MTUS2: variants seen among roughly 807,000 people sequenced by gnomAD.
The protein encoded by MTUS2 is microtubule-associated tumor suppressor candidate 2.
MTUS2 carries 40 observed loss-of-function variants against 114.1 expected under a neutral mutation model. The observed-to-expected ratio is 0.35, with a 90% CI of 0.27 to 0.46. MTUS2 has a LOEUF of 0.46. Ranked by LOEUF, MTUS2 falls within the 20% of genes least tolerant of loss-of-function variation. The pLI is 1.00. For synonymous variants in MTUS2, 688 were observed against 672.0 expected (o/e 1.02, Z -0.37); for missense variants, 1,679 against 1,705.4 (o/e 0.98, Z 0.27).
chr13:29,241,820 T>A (rs1896745347), intron 5 of MTUS2, among the ~76,000 whole-genome samples: 1 of 152,150 alleles, frequency 6.6e-6, no homozygotes, highest in Non-Finnish European at 1.5e-5. Context: ...TGAATTGACT[T>A]ACGTTCTGGC....
intron 2 of MTUS2, among the ~76,000 whole-genome samples, chr13:28,975,348 A>C (rs1465360568): frequency 2.6e-5 from 4 of 152,220 alleles, no homozygotes; most frequent in African/African-American, 9.6e-5. Flanking sequence ...GAAACGCGGC[A>C]TGGTCAGTGG....
At chr13:29,251,815 TTTTG>T (rs1184735335) in intron 5 of MTUS2, among the ~76,000 whole-genome samples, 1 of 152,242 alleles carries the variant, frequency 6.6e-6, no homozygotes, top group Non-Finnish European at 1.5e-5. Flanking sequence ...ATATACCACA[TTTTG>T]TTTATTCATT....
chr13:29,233,869 A>G (rs1896432569), intron 5 of MTUS2, among the ~76,000 whole-genome samples: 1 of 152,226 alleles, frequency 6.6e-6, no homozygotes, highest in Non-Finnish European at 1.5e-5. Context: ...TCTGAAAAAG[A>G]CATTTGAAAA....
chr13:28,946,649 A>G (rs1382218945), intron 2 of MTUS2, among the ~76,000 whole-genome samples: 1 of 151,914 alleles, frequency 6.6e-6, no homozygotes, highest in African/African-American at 2.4e-5. Flanking sequence ...ATTTTCTCAA[A>G]CAATTTGAAA....
At chr13:29,220,021 GT>G (rs1171392176) in intron 5 of MTUS2, among the ~76,000 whole-genome samples, 1 of 149,780 alleles carries the variant, frequency 6.7e-6, no homozygotes, top group Admixed American at 6.6e-5. Context: ...TTGAGACAGA[GT>G]TTTGCTCTTG....
chr13:28,826,482 C>T (rs927597236), intron 1 of MTUS2, among the ~76,000 whole-genome samples: 1 of 152,154 alleles, frequency 6.6e-6, no homozygotes, highest in Non-Finnish European at 1.5e-5. Context: ...TCTTTTTACT[C>T]TGTTTACTGT....
At chr13:29,043,397 C>T (rs930811986) in intron 4 of MTUS2, among the ~76,000 whole-genome samples, 2 of 151,852 alleles carry the variant, frequency 1.3e-5, no homozygotes, top group African/African-American at 4.8e-5. Flanking sequence ...GATGAATGTA[C>T]ATTCTGTAGT....
intron 4 of MTUS2, among the ~76,000 whole-genome samples, chr13:29,082,852 A>C (rs947256912): frequency 6.6e-6 from 1 of 152,130 alleles, no homozygotes; most frequent in Non-Finnish European, 1.5e-5. Context: ...ACTTATAGCC[A>C]TTATAAGTGG....
At chr13:28,989,704 C>T (rs544719483) in intron 2 of MTUS2, among the ~76,000 whole-genome samples, 91 of 152,156 alleles carry the variant, frequency 6.0e-4, no homozygotes, top group South Asian at 1.9e-3. Flanking sequence ...GCTGGGGAGA[C>T]AGTATGAGGG....
chr13:28,846,523 G>GAAATT (rs3036699), intron 2 of MTUS2, among the ~76,000 whole-genome samples: 18,706 of 79,488 alleles, frequency 0.24, 2,498 homozygotes, highest in African/African-American at 0.39. Context: ...CTCTTTAGGA[G>GAAATT]AAATTATCAG....
At chr13:29,427,241 A>G (rs1262222314) in intron 8 of MTUS2, among the ~76,000 whole-genome samples, 1 of 152,190 alleles carries the variant, frequency 6.6e-6, no homozygotes, top group Non-Finnish European at 1.5e-5. Flanking sequence ...TATTCCATGA[A>G]TGTGTGAATC....
At chr13:29,252,298 G>A (rs969717675) in intron 5 of MTUS2, among the ~76,000 whole-genome samples, 7 of 152,004 alleles carry the variant, frequency 4.6e-5, no homozygotes, top group African/African-American at 7.3e-5. Context: ...ACTCGTTCCC[G>A]TGGACTTATT....
Position 29,100,924 on chromosome 13 carries a change from C to G in MTUS2, c.2598C>G (p.Thr866=). 1 of 1,577,702 alleles carries G rather than the reference C, an allele frequency of 6.3e-7. No individual in the cohort carries two copies. Among genetic ancestry groups the G allele is most frequent in the Non-Finnish European group, 8.6e-7 (1 of 1,161,422 alleles). ...CCAGCGTCTCCTCAGTCTCCAGCAC[C>G]CAGTCCGGGGACAGTGCACAGCCAG... ...RSSSVSSVSS[T]QSGDSAQPEQ... is the part of the protein sequence containing the mutation. The change falls in exon 5 of 16, where the codon ACC becomes ACG. Residue 866 remains threonine (T), a synonymous_variant. Coordinates refer to ENST00000612955, the MANE Select transcript of MTUS2 (RefSeq NM_001033602.4).
chr13:29,012,388 A>G (rs1196835202), intron 2 of MTUS2, among the ~76,000 whole-genome samples: 1 of 152,084 alleles, frequency 6.6e-6, no homozygotes, highest in Non-Finnish European at 1.5e-5. Flanking sequence ...TCCGGCAGCT[A>G]CTCAGTCCAG....
chr13:29,475,548 A>G (rs1336213068), intron 9 of MTUS2, among the ~76,000 whole-genome samples: 1 of 152,210 alleles, frequency 6.6e-6, no homozygotes, highest in Non-Finnish European at 1.5e-5. Flanking sequence ...TTCCAGTGGG[A>G]CAAGATGTGG....
intron 5 of MTUS2, among the ~76,000 whole-genome samples, chr13:29,221,162 A>G (rs1009621619): frequency 2.0e-5 from 3 of 152,234 alleles, no homozygotes; most frequent in African/African-American, 7.2e-5. Context: ...GCTATGAAAC[A>G]TCCTTGGGAG....
chr13:29,194,302 G>C (rs77394696), intron 5 of MTUS2, among the ~76,000 whole-genome samples: 22 of 152,142 alleles, frequency 1.4e-4, no homozygotes, highest in East Asian at 7.7e-4. Flanking sequence ...TCAGAGTGAA[G>C]AGGCAACCTA....
intron 8 of MTUS2, among the ~76,000 whole-genome samples, chr13:29,369,996 G>A (rs1302689588): frequency 6.6e-6 from 1 of 152,178 alleles, no homozygotes; most frequent in Non-Finnish European, 1.5e-5. Flanking sequence ...ATGGTCAATA[G>A]TAATTCAAAG....
At chr13:28,897,285 AAC>A (rs1486242086) in intron 2 of MTUS2, among the ~76,000 whole-genome samples, 6 of 152,356 alleles carry the variant, frequency 3.9e-5, no homozygotes, top group African/African-American at 1.2e-4. Context: ...GCAGCCAAAA[AAC>A]ACATGAAAAA....
Sources: gnomAD v4.1 joint callset for allele counts (sites outside exome capture counted in the v4.1 genomes callset) on GRCh38, gnomAD v4.1.1 for gene constraint, MANE v1.5 for transcripts, NCBI Gene and HGNC (gene_info 2026-07-23, HGNC 2026-07-21) for gene names.